Variants in NOC3L observed in about 807,000 individuals in gnomAD.
NOC3L encodes the protein NOC3 like DNA replication regulator.
In NOC3L, 85 loss-of-function variants were observed where a neutral mutation model predicts 102.5. That is an observed-to-expected ratio of 0.83 (90% CI 0.70 to 0.99). The LOEUF (loss-of-function observed/expected upper bound fraction) is 0.99. NOC3L is among the 50% of genes least tolerant of loss of function. The pLI is 0.00. For missense variants in NOC3L, 878 were observed against 914.9 expected (o/e 0.96, Z 0.52); for synonymous variants, 303 against 309.4 (o/e 0.98, Z 0.22).
chr10:94,337,888 G>A lies in NOC3L; in HGVS notation c.2092-14C>T, dbSNP rs560225194. ...ATGATAATGCCTCTGAAGGGAAAAC[G>A]GGACAATCACATTCTGCACAGGTCA... On this transcript the variant is annotated splice_polypyrimidine_tract_variant and intron_variant, in intron 18 of 20. Transcript: ENST00000371361. 20 of 1,584,652 alleles carry A rather than the reference G, an allele frequency of 1.3e-5. No individual in the cohort carries two copies. The highest frequency in any genetic ancestry group is 8.1e-5 in the African/African-American group (6 of 74,356).
chr10:94,326,567 T>TA, the NOC3L span, among the ~76,000 whole-genome samples: 1 of 152,194 alleles, frequency 6.6e-6, no homozygotes. Flanking sequence ...CTTCTCTACA[T>TA]ATAAAGAGCC....
At chr10:94,331,367 T>A (rs2054154285), downstream of NOC3L, 1 of 152,220 alleles carries the variant, frequency 6.6e-6, no homozygotes, top group Non-Finnish European at 1.5e-5. Context: ...AATATCTCTA[T>A]AGACTTCTGT....
chr10:94,338,968 G>T (rs1200956075), intron 17 of NOC3L, among the ~76,000 whole-genome samples: 1 of 151,936 alleles, frequency 6.6e-6, no homozygotes, highest in African/African-American at 2.4e-5. Context: ...TCTTGCAAAA[G>T]AAAAAAATAT....
chr10:94,341,169 T>G (rs2054280009), intron 14 of NOC3L, among the ~76,000 whole-genome samples: 2 of 151,432 alleles, frequency 1.3e-5, no homozygotes, highest in African/African-American at 4.9e-5. Flanking sequence ...TGAGACCCTA[T>G]CTCAAAAAAG....
the NOC3L span, chr10:94,322,077 C>T: frequency 6.8e-4 from 1,089 of 1,611,772 alleles, 7 homozygotes; most frequent in African/African-American, 7.8e-3. Context: ...CCTCTCCCTT[C>T]CTCACCTGAG....
chr10:94,344,563 T>A (rs371404194), intron 12 of NOC3L, 48 bp from the exon 13 acceptor site: 20 of 1,278,454 alleles, frequency 1.6e-5, no homozygotes, highest in African/African-American at 2.9e-5. Context: ...CTGGTATGCT[T>A]TCTCCTGAGT....
intron 7 of NOC3L, 43 bp from the exon 8 acceptor site, chr10:94,352,446 A>G: frequency 4.6e-6 from 6 of 1,306,490 alleles, no homozygotes; most frequent in Non-Finnish European, 6.6e-6. Flanking sequence ...AAATCAGAAC[A>G]TTAAAAGCCC....
At chr10:94,341,235 C>T (rs2133988539) in intron 14 of NOC3L, among the ~76,000 whole-genome samples, 1 of 148,728 alleles carries the variant, frequency 6.7e-6, no homozygotes, top group East Asian at 1.9e-4. Flanking sequence ...GGCAGATTTA[C>T]AGGGTGACTA....
chr10:94,336,807 G>A (rs1158644837), intron 19 of NOC3L, among the ~76,000 whole-genome samples: 2 of 151,244 alleles, frequency 1.3e-5, no homozygotes, highest in Non-Finnish European at 2.9e-5. Context: ...AGTGGCTCAC[G>A]CCTGTAATCC....
intron 15 of NOC3L, 30 bp from the exon 16 acceptor site, chr10:94,340,377 T>G (rs748272797): frequency 6.2e-7 from 1 of 1,609,260 alleles, no homozygotes; most frequent in Non-Finnish European, 8.5e-7. Context: ...ACCAATTAGG[T>G]ATGTTATAGC....
In NOC3L at chr10:94,334,650, G is replaced by A. The variant is rs746655079; in HGVS notation, c.2258C>T (p.Ser753Leu). The change falls in exon 20 of 21, where the codon TCA (serine) becomes TTA (leucine). Residue 753 changes from serine (S) to leucine (L), a missense_variant. Coordinates refer to ENST00000371361, the MANE Select transcript of NOC3L (RefSeq NM_022451.11). ...ATCCCATACCTTTATTTTGGGGTTT[G>A]AAGATTCAACAGGAGGATTGAATGT... is the stretch of plus-strand genomic sequence containing the variant. Reference protein sequence around the residue: ...EMTFNPPVESSNPKIKGKFLQ... With the variant: ...EMTFNPPVESLNPKIKGKFLQ... 6.2e-7 allele frequency: 1 copy of A among 1,612,370 alleles called. No individual in the cohort carries two copies. Among genetic ancestry groups the A allele is most frequent in the Admixed American group, 1.7e-5 (1 of 59,902 alleles).
chr10:94,334,521 C>A, intron 20 of NOC3L, 113 bp downstream of exon 20: 1 of 775,278 alleles, frequency 1.3e-6, no homozygotes, highest in South Asian at 1.8e-5. Context: ...TGATGAAATC[C>A]TAAACATTAA....
Position 94,361,849 on chromosome 10 carries a change from T to G in NOC3L, c.33A>C (p.Pro11=), listed in dbSNP as rs553069101. The G allele has an allele frequency of 1.7e-5, 28 of 1,611,818 alleles. No individual in the cohort carries two copies. In the African/African-American group the frequency reaches 3.5e-4, roughly 20 times the overall value. Residue 11 remains proline, a synonymous_variant, in exon 2 of 21, where the codon CCA becomes CCC. Transcript: ENST00000371361. MKARRNKKQI[P]SFRKLIKTSK... is the part of the protein sequence containing the mutation. ...TAGTTTTTATTAACTTGCGAAAGCT[T>G]GGGATCTGTTTTTTATTTCTTCTCT...
chr10:94,329,811 A>C (rs1023985911), downstream of NOC3L: 3 of 140,026 alleles, frequency 2.1e-5, no homozygotes, highest in East Asian at 2.1e-4. Context: ...AAAAAAAAAA[A>C]CACCATACAG....
chr10:94,325,152 A>T, the NOC3L span: 8 of 1,305,312 alleles, frequency 6.1e-6, no homozygotes, highest in South Asian at 8.3e-5. Context: ...AACTTAAACT[A>T]CTTTGTAAGG....
chr10:94,321,837 G>T, the NOC3L span: 1 of 1,283,556 alleles, frequency 7.8e-7, no homozygotes, highest in Non-Finnish European at 1.1e-6. Flanking sequence ...ATTTTTGCTA[G>T]ATTTGTCTTT....
the NOC3L span, chr10:94,315,169 C>A: frequency 3.3e-6 from 1 of 300,620 alleles, no homozygotes; most frequent in Non-Finnish European, 6.6e-6. Context: ...TTTGAGTCAA[C>A]AGCATTTCAT....
At chr10:94,362,393 C>T (rs74919278) in intron 1 of NOC3L, among the ~76,000 whole-genome samples, 5,506 of 152,206 alleles carry the variant, frequency 0.036, 331 homozygotes, top group African/African-American at 0.12. Flanking sequence ...TTGCTGGTGA[C>T]TCATTCAGAA....
the NOC3L span, among the ~76,000 whole-genome samples, chr10:94,323,033 G>A: frequency 6.6e-6 from 1 of 152,176 alleles, no homozygotes. Context: ...AGTATCTACA[G>A]TGAGTTTGGA....
Sources: allele counts gnomAD v4.1 joint callset (sites outside exome capture counted in the v4.1 genomes callset), GRCh38; gene constraint gnomAD v4.1.1; transcripts MANE v1.5; gene names NCBI Gene and HGNC (gene_info 2026-07-23, HGNC 2026-07-21).